Variants in CADM2 observed in about 807,000 individuals in gnomAD.
CADM2 encodes the protein immunoglobulin superfamily member 4D.
A neutral mutation model predicts 49.8 loss-of-function variants in CADM2; 12 were observed. The observed-to-expected ratio is 0.24, with a 90% confidence interval of 0.15 to 0.39. The LOEUF (loss-of-function observed/expected upper bound fraction) is 0.39, where lower values mean the gene tolerates loss of function less well. Ranked by LOEUF, CADM2 falls within the 10% of genes least tolerant of loss-of-function variation. The pLI, the probability that CADM2 is intolerant of heterozygous loss-of-function variation, is 1.00. For missense variants in CADM2, 378 were observed against 492.3 expected, an observed-to-expected ratio of 0.77 and a Z score of 2.20; for synonymous variants, 214 against 175.4, an observed-to-expected ratio of 1.22 and a Z score of -1.74.
chr3:85,989,750 C>T (rs1026086190), intron 8 of CADM2, among the ~76,000 whole-genome samples: 5 of 151,936 alleles, frequency 3.3e-5, no homozygotes, highest in African/African-American at 4.8e-5. Context: ...CGGTGGCTCA[C>T]GCCTTTAATC....
chr3:85,747,936 G>C (rs528062621), intron 2 of CADM2, among the ~76,000 whole-genome samples: 2 of 152,136 alleles, frequency 1.3e-5, no homozygotes, highest in African/African-American at 4.8e-5. Flanking sequence ...ATGAGGAGGC[G>C]TACTAATTGA....
At chr3:84,977,918 A>G (rs1195396356) in intron 1 of CADM2, among the ~76,000 whole-genome samples, 1 of 152,100 alleles carries the variant, frequency 6.6e-6, no homozygotes, top group Non-Finnish European at 1.5e-5. Flanking sequence ...TTTGGGGAAA[A>G]CCTGACATTC....
chr3:85,107,193 G>A (rs1259158274), intron 1 of CADM2, among the ~76,000 whole-genome samples: 1 of 152,098 alleles, frequency 6.6e-6, no homozygotes, highest in Non-Finnish European at 1.5e-5. Flanking sequence ...TAAATTTATG[G>A]AATATAAGAA....
intron 1 of CADM2, among the ~76,000 whole-genome samples, chr3:85,321,646 T>C (rs1275196036): frequency 6.6e-6 from 1 of 152,192 alleles, no homozygotes; most frequent in Non-Finnish European, 1.5e-5. Context: ...TAACTTTTCG[T>C]AAATTTGGCT....
chr3:85,732,094 CAAAA>C (rs3044020), intron 2 of CADM2, among the ~76,000 whole-genome samples: 2 of 90,800 alleles, frequency 2.2e-5, no homozygotes, highest in Non-Finnish European at 4.2e-5. Flanking sequence ...CTAAGAATAC[CAAAA>C]AAAAAAAAAA....
At chr3:85,000,505 T>C (rs1045360803) in intron 1 of CADM2, among the ~76,000 whole-genome samples, 2 of 152,114 alleles carry the variant, frequency 1.3e-5, no homozygotes, top group Non-Finnish European at 2.9e-5. Context: ...CTTTTCTAAG[T>C]AAAATATCTT....
intron 8 of CADM2, chr3:85,979,308 C>A (rs1319906645): frequency 6.2e-7 from 1 of 1,604,786 alleles, no homozygotes; most frequent in Non-Finnish European, 8.5e-7. Flanking sequence ...TTTGTTATAG[C>A]CTGGAAAGCA....
At chr3:85,359,124 G>A (rs2032115609) in intron 1 of CADM2, among the ~76,000 whole-genome samples, 1 of 152,064 alleles carries the variant, frequency 6.6e-6, no homozygotes, top group African/African-American at 2.4e-5. Context: ...TGACTGAGGA[G>A]GGTGGAAGGA....
intron 1 of CADM2, among the ~76,000 whole-genome samples, chr3:85,354,685 T>C (rs1283012497): frequency 6.9e-6 from 1 of 145,374 alleles, no homozygotes; most frequent in African/African-American, 2.5e-5. Context: ...ATCTGAGTTC[T>C]GTCAACTGAA....
At chr3:85,389,980 G>A (rs1018196856) in intron 1 of CADM2, among the ~76,000 whole-genome samples, 1 of 152,016 alleles carries the variant, frequency 6.6e-6, no homozygotes, top group African/African-American at 2.4e-5. Context: ...AAAAGAACAA[G>A]TCAGCATCCT....
chr3:85,159,466 T>A (rs2040247610), intron 1 of CADM2, among the ~76,000 whole-genome samples: 1 of 152,166 alleles, frequency 6.6e-6, no homozygotes, highest in Non-Finnish European at 1.5e-5. Context: ...GGAAACTGTA[T>A]AATTTGGTGA....
intron 3 of CADM2, among the ~76,000 whole-genome samples, chr3:85,815,301 A>G (rs2073142818): frequency 1.3e-5 from 2 of 152,196 alleles, no homozygotes; most frequent in East Asian, 1.9e-4. Flanking sequence ...AAAAAGGAAA[A>G]TTTCAGGCCA....
chr3:85,619,029 G>C (rs1334009856), intron 1 of CADM2, among the ~76,000 whole-genome samples: 1 of 139,664 alleles, frequency 7.2e-6, no homozygotes, highest in Non-Finnish European at 1.6e-5. Flanking sequence ...GACAGAATGA[G>C]ACTCTGTCTC....
intron 1 of CADM2, among the ~76,000 whole-genome samples, chr3:84,968,370 T>C (rs182365370): frequency 2.0e-5 from 3 of 152,214 alleles, no homozygotes; most frequent in African/African-American, 4.8e-5. Flanking sequence ...TTCTGTGATA[T>C]TCAATGTGCC....
At chr3:85,619,521 C>T (rs1326368062) in intron 1 of CADM2, among the ~76,000 whole-genome samples, 1 of 152,024 alleles carries the variant, frequency 6.6e-6, no homozygotes, top group African/African-American at 2.4e-5. Flanking sequence ...GATACATCAC[C>T]TTCCACTTGC....
chr3:85,466,806 C>A (rs1215198369), intron 1 of CADM2, among the ~76,000 whole-genome samples: 2 of 151,524 alleles, frequency 1.3e-5, no homozygotes, highest in East Asian at 3.9e-4. Flanking sequence ...TGGATAGTAT[C>A]AGCTGATAGA....
intron 8 of CADM2, among the ~76,000 whole-genome samples, chr3:86,057,512 G>T (rs1738133534): frequency 6.6e-6 from 1 of 152,132 alleles, no homozygotes; most frequent in Non-Finnish European, 1.5e-5. Context: ...TTTAGCATAA[G>T]AATTTAATAT....
intron 1 of CADM2, among the ~76,000 whole-genome samples, chr3:85,677,614 T>G (rs199971451): frequency 6.6e-6 from 1 of 152,194 alleles, no homozygotes; most frequent in Non-Finnish European, 1.5e-5. Flanking sequence ...AGAATTATTT[T>G]TGAACAAACA....
intron 2 of CADM2, among the ~76,000 whole-genome samples, chr3:85,762,613 C>CTCTCTCTTTCTG (rs1553682286): frequency 6.8e-6 from 1 of 147,978 alleles, no homozygotes; most frequent in Non-Finnish European, 1.5e-5. Context: ...CTCTCTCTCT[C>CTCTCTCTTTCTG]TCTCTCTCTG....
Sources: allele counts gnomAD v4.1 joint callset (sites outside exome capture counted in the v4.1 genomes callset), GRCh38; gene constraint gnomAD v4.1.1; transcripts MANE v1.5; gene names NCBI Gene and HGNC (gene_info 2026-07-23, HGNC 2026-07-21).